Variants in BTBD9 observed in about 807,000 individuals in gnomAD.
The protein encoded by BTBD9 is BTB/POZ domain-containing protein 9.
A neutral mutation model predicts 64.3 loss-of-function variants in BTBD9; 49 were observed. The observed-to-expected ratio is 0.76, with a 90% CI of 0.61 to 0.97. The LOEUF (loss-of-function observed/expected upper bound fraction) is 0.97. Among genes scored for constraint, BTBD9 ranks in the 50% least tolerant of loss-of-function variants. The pLI, the probability that BTBD9 is intolerant of heterozygous loss-of-function variation, is 0.00. For synonymous variants in BTBD9, 260 were observed against 274.7 expected, an observed-to-expected ratio of 0.95 and a Z score of 0.53; for missense variants, 598 against 762.1, an observed-to-expected ratio of 0.78 and a Z score of 2.53.
intron 9 of BTBD9, among the ~76,000 whole-genome samples, chr6:38,240,836 A>G (rs1373926248): frequency 1.3e-5 from 2 of 152,276 alleles, no homozygotes; most frequent in African/African-American, 4.8e-5. Flanking sequence ...TCACAGGGCA[A>G]TTGAGGCTTT....
intron 7 of BTBD9, among the ~76,000 whole-genome samples, chr6:38,317,398 T>C (rs1356484051): frequency 6.6e-6 from 1 of 152,200 alleles, no homozygotes; most frequent in African/African-American, 2.4e-5. Context: ...TGTTATTTGT[T>C]TCTTTTCTCT....
intron 7 of BTBD9, among the ~76,000 whole-genome samples, chr6:38,303,740 C>T (rs920435861): frequency 2.0e-5 from 3 of 151,032 alleles, no homozygotes; most frequent in Non-Finnish European, 4.4e-5. Context: ...ACTCAGAATT[C>T]CTTTTCTACA....
intron 6 of BTBD9, among the ~76,000 whole-genome samples, chr6:38,364,834 C>T (rs9394492): frequency 0.43 from 64,838 of 151,922 alleles, 14,891 homozygotes; most frequent in East Asian, 0.94. Flanking sequence ...GATTGACGAA[C>T]AAGACAAGGC....
At chr6:38,404,468 T>C (rs1398891762) in intron 6 of BTBD9, among the ~76,000 whole-genome samples, 2 of 152,144 alleles carry the variant, frequency 1.3e-5, no homozygotes, top group Non-Finnish European at 2.9e-5. Context: ...AAACAGAGGA[T>C]GCATTCATTA....
At chr6:38,200,145 G>A (rs1304143944) in intron 9 of BTBD9, among the ~76,000 whole-genome samples, 4 of 152,216 alleles carry the variant, frequency 2.6e-5, no homozygotes, top group Admixed American at 2.0e-4. Flanking sequence ...TGAGGTATGA[G>A]CACCACGGGC....
intron 1 of BTBD9, among the ~76,000 whole-genome samples, chr6:38,617,243 C>A (rs1327363314): frequency 6.6e-6 from 1 of 152,132 alleles, no homozygotes; most frequent in Non-Finnish European, 1.5e-5. Context: ...GAGAGGAAAG[C>A]CATTCGGCTC....
chr6:38,587,921 A>G, intron 4 of BTBD9: 2 of 723,372 alleles, frequency 2.8e-6, no homozygotes, highest in Non-Finnish European at 5.2e-6. Context: ...AGGGCAACCC[A>G]GTGCTCCTGC....
At chr6:38,368,352 G>T (rs1765272038) in intron 6 of BTBD9, among the ~76,000 whole-genome samples, 1 of 151,986 alleles carries the variant, frequency 6.6e-6, no homozygotes, top group Non-Finnish European at 1.5e-5. Context: ...TAGGGGGCGG[G>T]GGAATGGAGT....
At chr6:38,193,330 T>C (rs1358413854) in intron 9 of BTBD9, among the ~76,000 whole-genome samples, 1 of 152,172 alleles carries the variant, frequency 6.6e-6, no homozygotes, top group Non-Finnish European at 1.5e-5. Context: ...TGCACCACCC[T>C]CTGACCCCAC....
intron 9 of BTBD9, among the ~76,000 whole-genome samples, chr6:38,241,560 G>C (rs2127524781): frequency 6.6e-6 from 1 of 152,342 alleles, no homozygotes; most frequent in Admixed American, 6.5e-5. Flanking sequence ...TGTATGAGCA[G>C]AAAGCACTCG....
chr6:38,390,384 C>T lies in BTBD9; in HGVS notation c.1155-45291G>A, dbSNP rs149649790. ...ATAGGCATGAGCTACCTCACCTAGC[C>T]CATGTGTAAATTTTTTTACTAATGG... is the stretch of plus-strand genomic sequence containing the variant. On this transcript the variant is annotated intron_variant, in intron 6 of 10. Coordinates refer to ENST00000481247, the MANE Select transcript of BTBD9 (RefSeq NM_001099272.2). 2.6e-3 allele frequency among the ~76,000 whole-genome samples: 389 copies of T among 152,204 alleles called. 6 individuals are homozygous for T. Among genetic ancestry groups the T allele is most frequent in the African/African-American group, 9.0e-3 (373 of 41,504 alleles).
intron 1 of BTBD9, among the ~76,000 whole-genome samples, chr6:38,628,898 G>A (rs1778268404): frequency 6.6e-6 from 1 of 151,958 alleles, no homozygotes; most frequent in Admixed American, 6.6e-5. Context: ...GAAGGGGTAG[G>A]GAAAATATGA....
chr6:38,636,890 A>G (rs1301738011), intron 1 of BTBD9, among the ~76,000 whole-genome samples: 1 of 152,190 alleles, frequency 6.6e-6, no homozygotes, highest in African/African-American at 2.4e-5. Context: ...GAATGGGTTC[A>G]TTATCTCAGG....
At chr6:38,369,449 T>G (rs1765326172) in intron 6 of BTBD9, among the ~76,000 whole-genome samples, 1 of 152,202 alleles carries the variant, frequency 6.6e-6, no homozygotes, top group Non-Finnish European at 1.5e-5. Context: ...CCCTACCTGA[T>G]GCTCTCCTAA....
At position 38,446,906 on chromosome 6, in the gene BTBD9, A is replaced by C. The variant is rs117701753; in HGVS notation, c.1155-101813T>G. On this transcript the variant is annotated intron_variant, in intron 6 of 10. Transcript: ENST00000481247. ...TCCTAAAGTGAAACCCTGCATACAA[A>C]TCTAGACAAATTAAACCAGGGCAGG... Among the ~76,000 whole-genome samples the C allele has an allele frequency of 9.8e-5, 15 of 152,308 alleles. No individual in the cohort carries two copies. The East Asian group carries it at 2.9e-3, about 29-fold the overall frequency.
intron 10 of BTBD9, among the ~76,000 whole-genome samples, chr6:38,177,828 G>C (rs1761345378): frequency 6.6e-6 from 1 of 152,224 alleles, no homozygotes. Context: ...GCAAATGGCT[G>C]TTACTCCCAA....
chr6:38,402,273 C>T (rs1036286795), intron 6 of BTBD9, among the ~76,000 whole-genome samples: 31 of 151,832 alleles, frequency 2.0e-4, no homozygotes, highest in African/African-American at 7.0e-4. Flanking sequence ...CTTCTCAAAG[C>T]GATCCATAGA....
At chr6:38,209,612 G>A (rs547637630) in intron 9 of BTBD9, among the ~76,000 whole-genome samples, 2 of 152,130 alleles carry the variant, frequency 1.3e-5, no homozygotes, top group African/African-American at 2.4e-5. Flanking sequence ...AAAACCTCTG[G>A]GGGGGTGGGC....
chr6:38,339,098 C>T (rs191408397), intron 7 of BTBD9, among the ~76,000 whole-genome samples: 23 of 152,300 alleles, frequency 1.5e-4, no homozygotes, highest in Admixed American at 1.2e-3. Context: ...TTTGATCATA[C>T]AATCCCTTCT....
Sources: gnomAD v4.1 joint callset for allele counts (sites outside exome capture counted in the v4.1 genomes callset) on GRCh38, gnomAD v4.1.1 for gene constraint, MANE v1.5 for transcripts, NCBI Gene and HGNC (gene_info 2026-07-23, HGNC 2026-07-21) for gene names.